The following CEP170 variants were observed in gnomAD, a reference collection of about 807,000 sequenced individuals.
CEP170 encodes centrosomal protein 170, also known as centrosomal protein of 170 kDa.
In CEP170, 21 loss-of-function variants were observed where a neutral mutation model predicts 151.9. The observed-to-expected ratio is 0.14, with a 90% confidence interval of 0.10 to 0.20. The LOEUF (loss-of-function observed/expected upper bound fraction) is 0.20. Among genes scored for constraint, CEP170 ranks in the 10% least tolerant of loss-of-function variants. The pLI is 1.00. For missense variants in CEP170, 964 were observed against 1,892.9 expected (o/e 0.51, Z 9.11); for synonymous variants, 356 against 648.8 (o/e 0.55, Z 6.86).
rs2061194248 is a variant in CEP170 at position 243,203,457 on chromosome 1, G to A, written c.275-2622C>T. On this transcript the variant is annotated intron_variant, in intron 4 of 19. Coordinates refer to ENST00000366542, the MANE Select transcript of CEP170 (RefSeq NM_014812.3). Reference sequence around the variant, plus strand: ...ATACTAGTAATGTGTTCTTAGATACGGTTCCTCCCACTCTTTTATTTTAAT... The same window carrying A: ...ATACTAGTAATGTGTTCTTAGATACAGTTCCTCCCACTCTTTTATTTTAAT... 2.0e-5 allele frequency among the ~76,000 whole-genome samples: 3 copies of A among 151,984 alleles called. No individual in the cohort carries two copies. The South Asian group carries it at 6.2e-4, about 32-fold the overall frequency.
rs1383400173 is a variant in CEP170 at position 243,125,196 on chromosome 1, C to T, written c.*1253G>A. On this transcript the variant is annotated 3_prime_UTR_variant, in exon 20 of 20. Transcript: ENST00000366542. ...CACCCCAATTATAGTGTTCTGGAAA[C>T]ACAAAGGTAATTACTTTTCTTTTTA... is the stretch of plus-strand genomic sequence containing the variant. 8 of 152,108 alleles carry T rather than the reference C, an allele frequency of 5.3e-5. No homozygotes were observed. Among genetic ancestry groups the T allele is most frequent in the Non-Finnish European group, 1.2e-4 (8 of 67,996 alleles). 9.4% of individuals were successfully genotyped at this position (152,108 alleles called of 1,614,324 possible). A position where few individuals can be genotyped will look rare whatever the true frequency, so the allele number is the denominator to read the frequency against.
chr1:243,242,693 A>G (rs188005369), intron 1 of CEP170, among the ~76,000 whole-genome samples: 8 of 151,636 alleles, frequency 5.3e-5, no homozygotes, highest in Non-Finnish European at 1.0e-4. Flanking sequence ...CAATTTATAA[A>G]TTTTGAATCC....
At chr1:243,251,197 TC>T (rs1233347145) in intron 1 of CEP170, among the ~76,000 whole-genome samples, 1 of 152,214 alleles carries the variant, frequency 6.6e-6, no homozygotes, top group Non-Finnish European at 1.5e-5. Context: ...AAACAGGCTT[TC>T]CTATGCCCAG....
chr1:243,192,105 A>C (rs2060342803), intron 7 of CEP170, among the ~76,000 whole-genome samples: 1 of 152,222 alleles, frequency 6.6e-6, no homozygotes, highest in Non-Finnish European at 1.5e-5. Context: ...CCTTGCAAGA[A>C]GATACAAACA....
intron 1 of CEP170, among the ~76,000 whole-genome samples, chr1:243,245,878 A>T (rs1254157507): frequency 6.6e-6 from 1 of 152,072 alleles, no homozygotes; most frequent in Admixed American, 6.6e-5. Context: ...CCCAGGAGGT[A>T]AAGGCTGCAG....
intron 13 of CEP170, chr1:243,163,163 C>T (rs2058199111): frequency 6.6e-6 from 1 of 152,134 alleles, no homozygotes; most frequent in Admixed American, 6.6e-5. Context: ...AGTACTGTTC[C>T]TTTAGGGTCT....
chr1:243,212,238 G>T (rs528481247), intron 3 of CEP170, among the ~76,000 whole-genome samples: 15 of 152,278 alleles, frequency 9.9e-5, no homozygotes, highest in African/African-American at 3.4e-4. Context: ...GCCAAGAAAA[G>T]CTCCTAATCT....
chr1:243,134,136 A>C (rs1481365878), intron 17 of CEP170, among the ~76,000 whole-genome samples: 1 of 152,192 alleles, frequency 6.6e-6, no homozygotes, highest in Non-Finnish European at 1.5e-5. Context: ...GGTAATATTC[A>C]AGTGAAATAA....
At chr1:243,247,598 C>T (rs2065536711) in intron 1 of CEP170, among the ~76,000 whole-genome samples, 1 of 152,216 alleles carries the variant, frequency 6.6e-6, no homozygotes. Flanking sequence ...AGGTGATCCA[C>T]CCGCTTCGGC....
chr1:243,239,606 A>C (rs2064620187), intron 1 of CEP170, among the ~76,000 whole-genome samples: 1 of 152,172 alleles, frequency 6.6e-6, no homozygotes, highest in African/African-American at 2.4e-5. Flanking sequence ...CTTGTATTCC[A>C]TGTCCAACTG....
chr1:243,151,707 T>A (rs929949877), intron 14 of CEP170, among the ~76,000 whole-genome samples: 9 of 152,380 alleles, frequency 5.9e-5, no homozygotes, highest in Admixed American at 2.0e-4. Context: ...TAGCAACTTA[T>A]CCAGAAGATC....
intron 2 of CEP170, among the ~76,000 whole-genome samples, chr1:243,223,828 T>C (rs565793546): frequency 6.6e-6 from 1 of 152,192 alleles, no homozygotes; most frequent in African/African-American, 2.4e-5. Flanking sequence ...ACAATCCCAT[T>C]TGTGTAACTA....
At chr1:243,188,965 G>A (rs1252872652) in intron 8 of CEP170, among the ~76,000 whole-genome samples, 2 of 152,112 alleles carry the variant, frequency 1.3e-5, no homozygotes, top group East Asian at 3.9e-4. Flanking sequence ...GTCTATCTTG[G>A]ATCAAAAAAT....
chr1:243,235,680 TAAA>T (rs754978054), intron 1 of CEP170, among the ~76,000 whole-genome samples: 1 of 136,010 alleles, frequency 7.4e-6, no homozygotes, highest in Admixed American at 7.3e-5. Context: ...GCATTAAAAC[TAAA>T]AAAAAAAAAA....
intron 13 of CEP170, among the ~76,000 whole-genome samples, chr1:243,161,891 C>G (rs1174359502): frequency 2.6e-5 from 4 of 152,110 alleles, no homozygotes; most frequent in Non-Finnish European, 5.9e-5. Flanking sequence ...GTTATAATAT[C>G]AAAGGCACCA....
intron 12 of CEP170, among the ~76,000 whole-genome samples, chr1:243,167,286 G>A (rs2058510618): frequency 1.3e-5 from 2 of 151,916 alleles, no homozygotes; most frequent in Admixed American, 6.6e-5. Flanking sequence ...ATCTATAGCC[G>A]ATTAAAAGAA....
chr1:243,221,365 G>A (rs2062805699), intron 3 of CEP170, among the ~76,000 whole-genome samples: 1 of 152,250 alleles, frequency 6.6e-6, no homozygotes, highest in East Asian at 1.9e-4. Flanking sequence ...TTACTTCTCT[G>A]TCCCTGAGAG....
chr1:243,232,647 G>A (rs181446325), intron 1 of CEP170, among the ~76,000 whole-genome samples: 2 of 152,284 alleles, frequency 1.3e-5, no homozygotes, highest in African/African-American at 4.8e-5. Flanking sequence ...GAAGCCTGCG[G>A]AATCCAGACA....
At chr1:243,235,283 T>C (rs905138634) in intron 1 of CEP170, among the ~76,000 whole-genome samples, 9 of 152,198 alleles carry the variant, frequency 5.9e-5, no homozygotes, top group Non-Finnish European at 1.3e-4. Flanking sequence ...TACGGAAATA[T>C]CTTTGAGAAA....
Sources: gnomAD v4.1 joint callset for allele counts (sites outside exome capture counted in the v4.1 genomes callset) on GRCh38, gnomAD v4.1.1 for gene constraint, MANE v1.5 for transcripts, NCBI Gene and HGNC (gene_info 2026-07-23, HGNC 2026-07-21) for gene names.